Variants in PCDH15 observed in about 807,000 individuals in gnomAD.
The protein encoded by PCDH15 is protocadherin related 15.
PCDH15 carries 129 observed loss-of-function variants against 178.5 expected under a neutral mutation model. The ratio of observed to expected loss-of-function variants is 0.72; its 90% CI spans 0.63 to 0.84. PCDH15 has a LOEUF of 0.84. Among genes scored for constraint, PCDH15 ranks in the 40% least tolerant of loss-of-function variants. The probability of loss-of-function intolerance (pLI) is 0.00; values close to 1 mark genes in which losing one functional copy is unlikely to be tolerated. For missense variants in PCDH15, 2,230 were observed against 2,099.9 expected (o/e 1.06, Z -1.21); for synonymous variants, 800 against 732.0 (o/e 1.09, Z -1.50).
chr10:54,335,439 C>T (rs1421994552), intron 6 of PCDH15, among the ~76,000 whole-genome samples: 1 of 152,122 alleles, frequency 6.6e-6, no homozygotes, highest in African/African-American at 2.4e-5. Flanking sequence ...TTGGGTGTGT[C>T]CTCATGCAAA....
At chr10:54,602,972 T>C (rs1277706915) in intron 2 of PCDH15, among the ~76,000 whole-genome samples, 1 of 151,978 alleles carries the variant, frequency 6.6e-6, no homozygotes, top group Non-Finnish European at 1.5e-5. Context: ...GCTGGCTACA[T>C]GAAATGAGTT....
At chr10:54,928,042 G>A (rs1376953555) in intron 2 of PCDH15, among the ~76,000 whole-genome samples, 2 of 151,982 alleles carry the variant, frequency 1.3e-5, no homozygotes, top group African/African-American at 2.4e-5. Flanking sequence ...ACCAGTCTGT[G>A]TACTTAAGTG....
rs765273726 is a variant in PCDH15, at chr10:54,527,833, T to C, written c.136A>G (p.Ile46Val). The change falls in exon 3 of 38, where the codon ATT (isoleucine) becomes GTT (valine). Residue 46 changes from isoleucine (I) to valine (V), a missense_variant. Ile to Val is a conservative substitution (Grantham distance 29). Coordinates refer to ENST00000644397, the MANE Select transcript of PCDH15 (RefSeq NM_001384140.1). ...TTACCATTCCGACTTTCTTCATCAA[T>C]AGCAACTATGGTAGCTGGTGGTCCT... The part of the protein sequence containing the change: ...RGGPPATIVA[I>V]DEESRNGTIL... The C allele has an allele frequency of 6.2e-7, 1 of 1,611,234 alleles. No individual in the cohort carries two copies. The highest frequency in any genetic ancestry group is 8.5e-7 in the Non-Finnish European group (1 of 1,178,108).
intron 2 of PCDH15, among the ~76,000 whole-genome samples, chr10:55,566,708 AT>A (rs1425676858): frequency 6.6e-6 from 1 of 151,802 alleles, no homozygotes; most frequent in Admixed American, 6.6e-5. Flanking sequence ...AATATAAACT[AT>A]TTTTATTTAA....
intron 1 of PCDH15, among the ~76,000 whole-genome samples, chr10:54,703,047 T>A (rs909621536): frequency 5.3e-5 from 8 of 152,136 alleles, no homozygotes; most frequent in African/African-American, 1.9e-4. Context: ...GTAGGCTTTA[T>A]CCCTGTGATG....
At chr10:55,238,832 C>G (rs1043457734) in intron 1 of PCDH15, among the ~76,000 whole-genome samples, 1 of 152,016 alleles carries the variant, frequency 6.6e-6, no homozygotes. Flanking sequence ...ACTGGGGTAT[C>G]TATTGCCTCA....
In PCDH15 at chr10:55,046,802, C is replaced by A. The variant is rs190687644; in HGVS notation, c.-80+119774G>T. The stretch of plus-strand genomic sequence containing the variant: ...CATAAATTATGGCATCTCTTTCACA[C>A]AGTTTTATCACATGGCCTCATCACC... On this transcript the variant is annotated intron_variant, in intron 2 of 5. Coordinates refer to the PCDH15 transcript ENST00000458638. Among the ~76,000 whole-genome samples the A allele has an allele frequency of 1.6e-4, 25 of 152,096 alleles. No homozygotes were observed. In the East Asian group the frequency reaches 4.8e-3, roughly 29 times the overall value.
rs967624407 is a variant in PCDH15, at chr10:54,552,427, C to A, written c.92-24550G>T. 2.0e-5 allele frequency among the ~76,000 whole-genome samples: 3 copies of A among 152,096 alleles called. No homozygotes were observed. The East Asian group carries it at 5.8e-4, about 29-fold the overall frequency. ...ATTTAAAACTTTTTCATGTCAATGT[C>A]AGTTCTGTCTCCAAAACTTAAATGG... On this transcript the variant is annotated intron_variant, in intron 2 of 37. Transcript: ENST00000644397.
chr10:53,945,021 A>C (rs1478781695), intron 23 of PCDH15, among the ~76,000 whole-genome samples: 1 of 152,168 alleles, frequency 6.6e-6, no homozygotes, highest in Non-Finnish European at 1.5e-5. Context: ...TTCCAAAATC[A>C]CCTCAACTAA....
chr10:53,914,948 C>T (rs1329788232), intron 25 of PCDH15, among the ~76,000 whole-genome samples: 1 of 151,932 alleles, frequency 6.6e-6, no homozygotes, highest in Non-Finnish European at 1.5e-5. Context: ...CTTTATGTTC[C>T]CCTGTTCCAG....
chr10:55,062,679 A>C (rs1396350519), intron 2 of PCDH15, among the ~76,000 whole-genome samples: 2 of 152,198 alleles, frequency 1.3e-5, no homozygotes, highest in African/African-American at 4.8e-5. Context: ...AATATAAATT[A>C]GTCCAAACCC....
intron 13 of PCDH15, among the ~76,000 whole-genome samples, chr10:54,169,682 C>T (rs2046665953): frequency 6.6e-6 from 1 of 151,636 alleles, no homozygotes; most frequent in African/African-American, 2.4e-5. Flanking sequence ...CCTTGGCGAC[C>T]AATCATGCAC....
chr10:55,519,679 G>T (rs1841110198), intron 2 of PCDH15, among the ~76,000 whole-genome samples: 1 of 151,342 alleles, frequency 6.6e-6, no homozygotes. Context: ...AATTTATAGA[G>T]CTATATATTT....
At chr10:53,990,454 A>C (rs2091388356) in intron 21 of PCDH15, among the ~76,000 whole-genome samples, 1 of 150,510 alleles carries the variant, frequency 6.6e-6, no homozygotes, top group Admixed American at 6.6e-5. Context: ...TCAGTATTAA[A>C]GCCTGAAAAA....
chr10:54,405,799 A>G (rs1460021261), intron 3 of PCDH15, among the ~76,000 whole-genome samples: 1 of 151,962 alleles, frequency 6.6e-6, no homozygotes, highest in East Asian at 1.9e-4. Flanking sequence ...ACAAAATGTA[A>G]TAATGGTTAC....
chr10:55,370,115 A>G (rs778019082), intron 2 of PCDH15, among the ~76,000 whole-genome samples: 2 of 152,124 alleles, frequency 1.3e-5, no homozygotes, highest in East Asian at 3.9e-4. Context: ...TCAAAAATCT[A>G]GACTATTCCT....
chr10:54,229,743 C>A (rs574785387), intron 9 of PCDH15, among the ~76,000 whole-genome samples: 17 of 152,272 alleles, frequency 1.1e-4, no homozygotes, highest in South Asian at 8.3e-4. Context: ...AACTGTAAAT[C>A]CATTAAACCT....
At chr10:55,172,136 AATAAT>A (rs1332980006) in intron 1 of PCDH15, among the ~76,000 whole-genome samples, 2 of 151,980 alleles carry the variant, frequency 1.3e-5, no homozygotes, top group South Asian at 2.1e-4. Context: ...CAACACCATA[AATAAT>A]ATAAAATATA....
chr10:55,540,755 G>C (rs1841741687), intron 2 of PCDH15, among the ~76,000 whole-genome samples: 1 of 152,018 alleles, frequency 6.6e-6, no homozygotes, highest in African/African-American at 2.4e-5. Context: ...ATGATGATAT[G>C]TTTTGAACTG....
Sources: gnomAD v4.1 joint callset for allele counts (sites outside exome capture counted in the v4.1 genomes callset) on GRCh38, gnomAD v4.1.1 for gene constraint, MANE v1.5 for transcripts, NCBI Gene and HGNC (gene_info 2026-07-23, HGNC 2026-07-21) for gene names.